AKR1C8: variants seen among roughly 807,000 people sequenced by gnomAD.
AKR1C8 encodes the protein aldo-keto reductase family 1 member C-like protein 1.
the AKR1C8 span, among the ~76,000 whole-genome samples, chr10:5,167,864 C>G: frequency 1.3e-4 from 19 of 151,996 alleles, no homozygotes; most frequent in Admixed American, 4.6e-4. Context: ...GCTAGACCTT[C>G]TTTCAGTTAC....
At chr10:5,143,023 C>A in the AKR1C8 span, among the ~76,000 whole-genome samples, 1 of 151,906 alleles carries the variant, frequency 6.6e-6, no homozygotes, top group Non-Finnish European at 1.5e-5. Flanking sequence ...CAAGTGTAAC[C>A]GTTAATTTTA....
chr10:5,177,112 G>A, the AKR1C8 span, among the ~76,000 whole-genome samples: 9 of 152,212 alleles, frequency 5.9e-5, no homozygotes, highest in African/African-American at 2.2e-4. Context: ...TTAGCTGTGG[G>A]TTTGTCATAG....
the AKR1C8 span, among the ~76,000 whole-genome samples, chr10:5,153,192 A>G: frequency 6.6e-6 from 1 of 152,116 alleles, no homozygotes. Context: ...ATTTACTGCT[A>G]AAACAACGTG....
the AKR1C8 span, among the ~76,000 whole-genome samples, chr10:5,128,803 G>T: frequency 6.6e-6 from 1 of 151,990 alleles, no homozygotes; most frequent in African/African-American, 2.4e-5. Context: ...ATTACTAGCA[G>T]ACTTAAGAAA....
At chr10:5,122,366 T>C in the AKR1C8 span, among the ~76,000 whole-genome samples, 2 of 152,196 alleles carry the variant, frequency 1.3e-5, no homozygotes, top group Non-Finnish European at 2.9e-5. Context: ...TCTTCTATTC[T>C]GCACCACTTC....
the AKR1C8 span, among the ~76,000 whole-genome samples, chr10:5,140,682 G>T: frequency 6.6e-6 from 1 of 152,004 alleles, no homozygotes; most frequent in East Asian, 1.9e-4. Flanking sequence ...AGCATTAGGA[G>T]AAATACCTAA....
the AKR1C8 span, among the ~76,000 whole-genome samples, chr10:5,171,834 T>A: frequency 3.3e-5 from 5 of 152,214 alleles, no homozygotes; most frequent in African/African-American, 1.2e-4. Flanking sequence ...TTTAAAACAA[T>A]TCTTCAACCT....
the AKR1C8 span, among the ~76,000 whole-genome samples, chr10:5,145,741 C>T: frequency 3.3e-5 from 5 of 152,158 alleles, no homozygotes; most frequent in African/African-American, 1.2e-4. Flanking sequence ...CACTTTTACA[C>T]TATTGGTGGG....
chr10:5,142,013 C>T, the AKR1C8 span, among the ~76,000 whole-genome samples: 14 of 152,062 alleles, frequency 9.2e-5, no homozygotes, highest in South Asian at 2.1e-4. Flanking sequence ...CATTCAAAAT[C>T]GATTGCTTAT....
the AKR1C8 span, among the ~76,000 whole-genome samples, chr10:5,127,715 ACT>A: frequency 1.7e-5 from 2 of 116,228 alleles, no homozygotes; most frequent in African/African-American, 3.4e-5. Context: ...ACAAAGCAAG[ACT>A]CTGTCAAAAA....
At chr10:5,135,534 G>T in the AKR1C8 span, among the ~76,000 whole-genome samples, 3 of 150,802 alleles carry the variant, frequency 2.0e-5, no homozygotes, top group African/African-American at 4.9e-5. Context: ...TATCTATCTG[G>T]CTATCTATTA....
chr10:5,178,637 G>A, the AKR1C8 span, among the ~76,000 whole-genome samples: 7 of 152,204 alleles, frequency 4.6e-5, 1 homozygote, highest in Non-Finnish European at 7.3e-5. Flanking sequence ...AGGTCACTCA[G>A]GACTTGCTTT....
At chr10:5,173,765 T>C in the AKR1C8 span, among the ~76,000 whole-genome samples, 1 of 152,084 alleles carries the variant, frequency 6.6e-6, no homozygotes, top group Non-Finnish European at 1.5e-5. Flanking sequence ...AAAATAATTT[T>C]CTTAAAGAAC....
At chr10:5,136,726 G>A in the AKR1C8 span, among the ~76,000 whole-genome samples, 1 of 152,166 alleles carries the variant, frequency 6.6e-6, no homozygotes, top group African/African-American at 2.4e-5. Context: ...AATCCAGGAT[G>A]CAACTATATG....
chr10:5,161,783 G>T, the AKR1C8 span: 1 of 534,716 alleles, frequency 1.9e-6, no homozygotes, highest in South Asian at 1.4e-5. Context: ...AACCAAGCTA[G>T]AATTAGATAA....
chr10:5,168,953 C>T, the AKR1C8 span, among the ~76,000 whole-genome samples: 6 of 152,110 alleles, frequency 3.9e-5, no homozygotes, highest in East Asian at 9.6e-4. Flanking sequence ...ATACCTCAGC[C>T]TTTATGGAAA....
chr10:5,123,203 T>C, the AKR1C8 span: 66,623 of 169,118 alleles, frequency 0.39, 14,092 homozygotes, highest in Non-Finnish European at 0.43. Context: ...CAGTATCCTG[T>C]TCTCACCTTA....
At chr10:5,161,972 G>C in the AKR1C8 span, 1 of 523,230 alleles carries the variant, frequency 1.9e-6, no homozygotes, top group Admixed American at 2.0e-5. Flanking sequence ...GTAGCCCAAA[G>C]CTGCAGTGAC....
the AKR1C8 span, among the ~76,000 whole-genome samples, chr10:5,128,373 A>T: frequency 3.9e-5 from 6 of 152,102 alleles, no homozygotes; most frequent in African/African-American, 1.4e-4. Context: ...ATAACACAAC[A>T]ACAGCAACCA....
Sources: allele counts gnomAD v4.1 joint callset (sites outside exome capture counted in the v4.1 genomes callset), GRCh38; gene constraint gnomAD v4.1.1; transcripts MANE v1.5; gene names NCBI Gene and HGNC (gene_info 2026-07-23, HGNC 2026-07-21).